Variants in LRMDA observed in about 807,000 individuals in gnomAD.
LRMDA encodes leucine rich melanocyte differentiation associated, also known as leucine-rich melanocyte differentiation-associated protein.
A neutral mutation model predicts 29.8 loss-of-function variants in LRMDA; 18 were observed. The observed-to-expected ratio is 0.60, with a 90% CI of 0.42 to 0.90. The LOEUF (loss-of-function observed/expected upper bound fraction) is 0.90, where lower values mean the gene tolerates loss of function less well. Ranked by LOEUF, LRMDA falls within the 40% of genes least tolerant of loss-of-function variation. The pLI is 0.00. For synonymous variants in LRMDA, 125 were observed against 109.4 expected, an observed-to-expected ratio of 1.14 and a Z score of -0.89; for missense variants, 273 against 273.9, an observed-to-expected ratio of 1.00 and a Z score of 0.02.
In LRMDA at chr10:75,891,442, GTGGAGGTAACAGCACACACAAAGCC is replaced by G. The variant is rs553931066; in HGVS notation, c.132-144564_132-144540del. Among the ~76,000 whole-genome samples, 718 of 152,312 alleles carry G rather than the reference GTGGAGGTAACAGCACACACAAAGCC, an allele frequency of 4.7e-3. 7 individuals carry two copies. The highest frequency in any genetic ancestry group is 4.1e-3 in the Admixed American group (62 of 15,298). The stretch of plus-strand genomic sequence containing the variant: ...GAGCAGAGGAGCCATCTTGATGTCT[GTGGAGGTAACAGCACACACAAAGCC>G]TTGAGGCAGAAGCTTGCTGGTGACT... On this transcript the variant is annotated intron_variant, in intron 2 of 6. Transcript: ENST00000611255.
chr10:75,633,476 C>A (rs1243703768), intron 2 of LRMDA, among the ~76,000 whole-genome samples: 1 of 152,158 alleles, frequency 6.6e-6, no homozygotes, highest in Non-Finnish European at 1.5e-5. Flanking sequence ...CTGTCAAATA[C>A]ATAATTAACA....
At chr10:75,950,426 A>G (rs1042206491) in intron 2 of LRMDA, among the ~76,000 whole-genome samples, 4 of 152,140 alleles carry the variant, frequency 2.6e-5, no homozygotes, top group African/African-American at 4.8e-5. Flanking sequence ...CTGTGTCTCT[A>G]TTGCTTCCTA....
In LRMDA at chr10:75,590,020, A is replaced by AT. The variant is rs35499338; in HGVS notation, c.131+151542dup. ...AATTTTGCTTTATCTGAAGATGATG[A>AT]TTTTTTTTTTTTTTTTGAAGATAGG... On this transcript the variant is annotated intron_variant, in intron 2 of 6. Coordinates refer to ENST00000611255, the MANE Select transcript of LRMDA (RefSeq NM_001305581.2). Among the ~76,000 whole-genome samples, 371 of 136,892 alleles carry AT rather than the reference A, an allele frequency of 2.7e-3. 1 individual carries two copies. The highest frequency in any genetic ancestry group is 4.5e-3 in the South Asian group (19 of 4,194). 89.8% of individuals were successfully genotyped at this position (136,892 alleles called of 152,430 possible).
chr10:75,748,136 C>G (rs1264250161), intron 2 of LRMDA, among the ~76,000 whole-genome samples: 1 of 152,034 alleles, frequency 6.6e-6, no homozygotes, highest in Non-Finnish European at 1.5e-5. Context: ...TCTTGTTGCC[C>G]AGGCTGGAGT....
rs544865038 is a variant in LRMDA at position 76,151,144 on chromosome 10, A to G, written c.516+92361A>G. On this transcript the variant is annotated intron_variant, in intron 5 of 6. Transcript: ENST00000611255. ...GGGCTCCTCCAACCTATATGTTTAC[A>G]TTTCCTGTGTACATTTCCTGTGAAG... Among the ~76,000 whole-genome samples, 10 of 151,150 alleles carry G rather than the reference A, an allele frequency of 6.6e-5. No individual in the cohort carries two copies. The South Asian group carries it at 1.9e-3, about 28-fold the overall frequency.
intron 2 of LRMDA, among the ~76,000 whole-genome samples, chr10:75,438,905 A>G (rs1844293779): frequency 6.6e-6 from 1 of 152,222 alleles, no homozygotes; most frequent in Non-Finnish European, 1.5e-5. Context: ...GTCCCAAAAC[A>G]TTCGTCGAGT....
intron 2 of LRMDA, among the ~76,000 whole-genome samples, chr10:75,945,980 G>A (rs947258937): frequency 2.6e-5 from 4 of 152,130 alleles, no homozygotes. Flanking sequence ...TATCTCTTTT[G>A]TTAGGCCAAG....
intron 2 of LRMDA, among the ~76,000 whole-genome samples, chr10:76,006,609 T>C (rs960135051): frequency 4.6e-5 from 7 of 152,202 alleles, no homozygotes; most frequent in Non-Finnish European, 8.8e-5. Context: ...GAAAAAAATC[T>C]TTAAATAGAC....
chr10:75,621,399 C>A (rs1054968843), intron 2 of LRMDA, among the ~76,000 whole-genome samples: 1 of 152,214 alleles, frequency 6.6e-6, no homozygotes, highest in African/African-American at 2.4e-5. Context: ...TGCCTTTGTA[C>A]TTCTTTCTCC....
At chr10:76,303,422 T>C (rs74148418) in intron 5 of LRMDA, among the ~76,000 whole-genome samples, 3,252 of 152,188 alleles carry the variant, frequency 0.021, 126 homozygotes, top group African/African-American at 0.072. Flanking sequence ...AGTCTTTTGT[T>C]CCACTTCTGT....
intron 6 of LRMDA, among the ~76,000 whole-genome samples, chr10:76,474,277 G>A (rs546444064): frequency 6.6e-6 from 1 of 151,686 alleles, no homozygotes; most frequent in East Asian, 2.0e-4. Flanking sequence ...AAAACTCTTA[G>A]AAGAAAACAT....
chr10:76,287,937 C>G (rs1289492012), intron 5 of LRMDA, among the ~76,000 whole-genome samples: 2 of 152,186 alleles, frequency 1.3e-5, no homozygotes, highest in Non-Finnish European at 2.9e-5. Context: ...AAAACAAGCA[C>G]TGAGTCAGGA....
chr10:76,089,573 A>G (rs1057082263), intron 5 of LRMDA, among the ~76,000 whole-genome samples: 7 of 152,144 alleles, frequency 4.6e-5, no homozygotes, highest in African/African-American at 9.7e-5. Flanking sequence ...ACTCCAGCTC[A>G]GTCATCCTTG....
intron 6 of LRMDA, chr10:76,403,460 G>A (rs1212971889): frequency 6.6e-6 from 1 of 152,000 alleles, no homozygotes; most frequent in African/African-American, 2.4e-5. Context: ...CTCCCTATAT[G>A]TAGATGCTAA....
chr10:76,249,348 A>AGTCCTTGT (rs1419342641), intron 5 of LRMDA, among the ~76,000 whole-genome samples: 1 of 152,168 alleles, frequency 6.6e-6, no homozygotes, highest in Admixed American at 6.5e-5. Context: ...TCCAGGGTGA[A>AGTCCTTGT]GTCCTTGTGT....
intron 6 of LRMDA, among the ~76,000 whole-genome samples, chr10:76,499,426 G>A (rs1206215639): frequency 2.6e-5 from 2 of 75,510 alleles, no homozygotes; most frequent in African/African-American, 6.4e-5. Context: ...CAGTACTTCA[G>A]TTCTTTTTAG....
chr10:75,567,289 C>T (rs1167072244), intron 2 of LRMDA, among the ~76,000 whole-genome samples: 1 of 152,208 alleles, frequency 6.6e-6, no homozygotes, highest in Non-Finnish European at 1.5e-5. Context: ...TTCCTTCAGC[C>T]ACCTTTTCCA....
At chr10:76,188,575 A>G (rs934344242) in intron 5 of LRMDA, among the ~76,000 whole-genome samples, 17 of 152,120 alleles carry the variant, frequency 1.1e-4, no homozygotes, top group African/African-American at 4.1e-4. Flanking sequence ...AAGTTTGGCA[A>G]CCCATATTCA....
chr10:76,026,533 A>G (rs1339617587), intron 2 of LRMDA, among the ~76,000 whole-genome samples: 1 of 152,218 alleles, frequency 6.6e-6, no homozygotes, highest in Non-Finnish European at 1.5e-5. Flanking sequence ...TCTAATATGT[A>G]GTTTACTTTC....
Sources: allele counts gnomAD v4.1 joint callset (sites outside exome capture counted in the v4.1 genomes callset), GRCh38; gene constraint gnomAD v4.1.1; transcripts MANE v1.5; gene names NCBI Gene and HGNC (gene_info 2026-07-23, HGNC 2026-07-21).